Variants in BMERB1 observed in about 807,000 individuals in gnomAD.
The protein encoded by BMERB1 is bMERB domain containing 1, also known as bMERB domain-containing protein 1.
BMERB1 carries 12 observed loss-of-function variants against 23.6 expected under a neutral mutation model. The observed-to-expected ratio is 0.51, with a 90% CI of 0.33 to 0.82. BMERB1 has a LOEUF of 0.82. Among genes scored for constraint, BMERB1 ranks in the 40% least tolerant of loss-of-function variants. The pLI is 0.03. For missense variants in BMERB1, 247 were observed against 255.4 expected (o/e 0.97, Z 0.22); for synonymous variants, 122 against 96.6 (o/e 1.26, Z -1.54).
chr16:15,536,528 C>T (rs1276756292), intron 2 of BMERB1: 2 of 152,378 alleles, frequency 1.3e-5, no homozygotes, highest in Non-Finnish European at 2.9e-5. Flanking sequence ...TGCCCCAGAG[C>T]ACGTAGTGAC....
At chr16:15,455,754 G>T (rs958946591) in intron 1 of BMERB1, among the ~76,000 whole-genome samples, 1 of 152,128 alleles carries the variant, frequency 6.6e-6, no homozygotes, top group Non-Finnish European at 1.5e-5. Flanking sequence ...GAGCCACCGC[G>T]CCTGGCCATG....
At chr16:15,457,095 G>A in intron 1 of BMERB1, among the ~76,000 whole-genome samples, 1 of 152,052 alleles carries the variant, frequency 6.6e-6, no homozygotes, top group South Asian at 2.1e-4. Context: ...CAAAATGCTG[G>A]GATTGTAGGC....
At position 15,437,831 on chromosome 16, in the gene BMERB1, G is replaced by A. The variant is rs1303022038; in HGVS notation, c.106+3072G>A. ...AAATTAGCTGGGTGTGGCAGTGGGC[G>A]CCTATTGTCCCAGCTGCCGGGGAGG... On this transcript the variant is annotated intron_variant, in intron 1 of 5. Coordinates refer to ENST00000300006, the MANE Select transcript of BMERB1 (RefSeq NM_033201.3). Among the ~76,000 whole-genome samples, 4 of 152,062 alleles carry A rather than the reference G, an allele frequency of 2.6e-5. No individual in the cohort carries two copies. The South Asian group carries it at 8.3e-4, about 32-fold the overall frequency.
At chr16:15,442,131 G>A (rs570392242) in intron 1 of BMERB1, among the ~76,000 whole-genome samples, 12 of 152,210 alleles carry the variant, frequency 7.9e-5, no homozygotes, top group African/African-American at 2.9e-4. Context: ...AGGAGTTTGA[G>A]ACCAGCCTGG....
intron 1 of BMERB1, among the ~76,000 whole-genome samples, chr16:15,501,856 G>T (rs1442157278): frequency 6.6e-6 from 1 of 152,090 alleles, no homozygotes; most frequent in African/African-American, 2.4e-5. Context: ...GACCTTAAGT[G>T]ATATGCCCAC....
rs2031171038 is a variant in BMERB1 at position 15,587,204 on chromosome 16, T to C, written c.*375T>C. 4.1e-6 allele frequency: 1 copy of C among 244,542 alleles called. No individual in the cohort carries two copies. The highest frequency in any genetic ancestry group is 8.2e-6 in the Non-Finnish European group (1 of 122,504). The allele number at this position is 244,542 out of a possible 1,614,324, so 15.1% of individuals were successfully genotyped here. A position where few individuals can be genotyped will look rare whatever the true frequency, so the allele number is the denominator to read the frequency against. On this transcript the variant is annotated 3_prime_UTR_variant, in exon 6 of 6. Coordinates refer to ENST00000300006, the MANE Select transcript of BMERB1 (RefSeq NM_033201.3). Reference sequence around the variant, plus strand: ...CTCCCCAGCTGTGTGTAGTCGTGACTTCTCAACAATCTAGCACCATGTCGG... The same window carrying C: ...CTCCCCAGCTGTGTGTAGTCGTGACCTCTCAACAATCTAGCACCATGTCGG...
intron 1 of BMERB1, among the ~76,000 whole-genome samples, chr16:15,473,748 A>G (rs2051251750): frequency 6.6e-6 from 1 of 152,112 alleles, no homozygotes; most frequent in Non-Finnish European, 1.5e-5. Context: ...TTCTTGAAAA[A>G]TATTGAGTCA....
At chr16:15,499,305 G>A (rs1233425599) in intron 1 of BMERB1, among the ~76,000 whole-genome samples, 1 of 152,002 alleles carries the variant, frequency 6.6e-6, no homozygotes, top group African/African-American at 2.4e-5. Context: ...GGCTGAGGCA[G>A]GAGAATCACT....
intron 1 of BMERB1, among the ~76,000 whole-genome samples, chr16:15,491,954 A>T (rs2051425026): frequency 6.6e-6 from 1 of 152,110 alleles, no homozygotes; most frequent in Non-Finnish European, 1.5e-5. Flanking sequence ...CATCAGGAGG[A>T]TGGATGTTTC....
intron 1 of BMERB1, among the ~76,000 whole-genome samples, chr16:15,485,555 A>G (rs1255077105): frequency 6.6e-6 from 1 of 152,168 alleles, no homozygotes; most frequent in East Asian, 1.9e-4. Flanking sequence ...GGGACTTAGG[A>G]AATTATGCAG....
At chr16:15,576,947 C>A (rs73501206) in intron 3 of BMERB1, among the ~76,000 whole-genome samples, 38 of 152,184 alleles carry the variant, frequency 2.5e-4, no homozygotes, top group Admixed American at 1.4e-3. Flanking sequence ...CTGTGGCAGA[C>A]TGCACCAAAT....
chr16:15,521,072 T>C (rs2051847384), intron 2 of BMERB1, among the ~76,000 whole-genome samples: 1 of 152,200 alleles, frequency 6.6e-6, no homozygotes, highest in African/African-American at 2.4e-5. Context: ...ATTTCTTCCC[T>C]GCTATGTAAA....
chr16:15,462,432 G>A (rs2051144328), intron 1 of BMERB1, among the ~76,000 whole-genome samples: 1 of 152,174 alleles, frequency 6.6e-6, no homozygotes, highest in Non-Finnish European at 1.5e-5. Context: ...GATTACAGGT[G>A]TGAGCCACCA....
intron 1 of BMERB1, among the ~76,000 whole-genome samples, chr16:15,484,159 G>A (rs2051348395): frequency 6.6e-6 from 1 of 152,156 alleles, no homozygotes; most frequent in Non-Finnish European, 1.5e-5. Context: ...ATTCACGAGG[G>A]ATCTGCTCCC....
chr16:15,484,377 G>A (rs756454262), intron 1 of BMERB1, among the ~76,000 whole-genome samples: 7 of 151,778 alleles, frequency 4.6e-5, no homozygotes, highest in Admixed American at 1.3e-4. Flanking sequence ...TGATATCTGC[G>A]TGGTTAAAAT....
intron 3 of BMERB1, among the ~76,000 whole-genome samples, chr16:15,579,784 T>A (rs1475440620): frequency 1.3e-5 from 2 of 152,184 alleles, no homozygotes; most frequent in Non-Finnish European, 2.9e-5. Flanking sequence ...AAAAAACAAC[T>A]AGTTCCCTCC....
chr16:15,508,630 C>G (rs2150947003), intron 1 of BMERB1, among the ~76,000 whole-genome samples: 1 of 151,994 alleles, frequency 6.6e-6, no homozygotes, highest in East Asian at 1.9e-4. Flanking sequence ...GGGAGACCAG[C>G]CTGGGCAACA....
At chr16:15,460,769 T>C (rs1255555663) in intron 1 of BMERB1, among the ~76,000 whole-genome samples, 1 of 152,124 alleles carries the variant, frequency 6.6e-6, no homozygotes, top group Non-Finnish European at 1.5e-5. Context: ...ATTTGTGGGC[T>C]GGTAAAGGAG....
At chr16:15,509,723 C>G (rs12923446) in intron 1 of BMERB1, among the ~76,000 whole-genome samples, 1 of 151,954 alleles carries the variant, frequency 6.6e-6, no homozygotes, top group Non-Finnish European at 1.5e-5. Context: ...TGCAGGATCT[C>G]AAGCCCCTGG....
Sources: allele counts gnomAD v4.1 joint callset (sites outside exome capture counted in the v4.1 genomes callset), GRCh38; gene constraint gnomAD v4.1.1; transcripts MANE v1.5; gene names NCBI Gene and HGNC (gene_info 2026-07-23, HGNC 2026-07-21).